Variants in NCAM2 observed in about 807,000 individuals in gnomAD.
NCAM2 encodes the protein N-CAM-2.
Under a neutral mutation model 98.1 loss-of-function variants are expected in NCAM2, and 30 were observed. The ratio of observed to expected loss-of-function variants is 0.31; its 90% CI spans 0.23 to 0.41. NCAM2 has a LOEUF of 0.41. NCAM2 is among the 10% of genes least tolerant of loss of function. NCAM2 has a pLI of 1.00. For missense variants in NCAM2, 867 were observed against 1,005.8 expected, an observed-to-expected ratio of 0.86 and a Z score of 1.87; for synonymous variants, 368 against 342.4, an observed-to-expected ratio of 1.07 and a Z score of -0.83.
At chr21:21,205,728 G>A (rs2069413770) in intron 1 of NCAM2, among the ~76,000 whole-genome samples, 1 of 152,060 alleles carries the variant, frequency 6.6e-6, no homozygotes, top group African/African-American at 2.4e-5. Context: ...ATAGACTGAG[G>A]TAGCCTATAA....
intron 9 of NCAM2, among the ~76,000 whole-genome samples, chr21:21,398,917 C>G (rs908714907): frequency 4.6e-5 from 7 of 152,130 alleles, no homozygotes; most frequent in Admixed American, 6.5e-5. Context: ...GGAGGAAAAG[C>G]AGGTTTATTC....
At chr21:21,249,769 A>C (rs1033515533) in intron 1 of NCAM2, among the ~76,000 whole-genome samples, 2 of 152,310 alleles carry the variant, frequency 1.3e-5, no homozygotes, top group South Asian at 2.1e-4. Context: ...ACAGATGAAA[A>C]AACAGTTGTT....
intron 15 of NCAM2, among the ~76,000 whole-genome samples, chr21:21,484,648 T>C (rs1407402377): frequency 6.6e-6 from 1 of 152,150 alleles, no homozygotes; most frequent in Non-Finnish European, 1.5e-5. Flanking sequence ...AAAATTATAA[T>C]AAAATATTTC....
At chr21:21,189,847 T>C (rs2068762200) in intron 1 of NCAM2, among the ~76,000 whole-genome samples, 1 of 152,218 alleles carries the variant, frequency 6.6e-6, no homozygotes, top group South Asian at 2.1e-4. Context: ...TCTAGTCTTT[T>C]CTGGTCAGCC....
chr21:21,023,292 G>A (rs2146193513), intron 1 of NCAM2, among the ~76,000 whole-genome samples: 1 of 152,248 alleles, frequency 6.6e-6, no homozygotes, highest in Non-Finnish European at 1.5e-5. Context: ...GGGAGGCCGA[G>A]GTGGACAGAT....
intron 1 of NCAM2, among the ~76,000 whole-genome samples, chr21:21,002,758 A>C (rs1234371658): frequency 6.6e-6 from 1 of 152,126 alleles, no homozygotes; most frequent in African/African-American, 2.4e-5. Context: ...TTGAGTGTTG[A>C]TATGTGCAAA....
At chr21:21,292,077 A>G (rs2073317176) in intron 4 of NCAM2, 27 bp from the exon 5 acceptor site, 1 of 1,596,650 alleles carries the variant, frequency 6.3e-7, no homozygotes, top group East Asian at 2.3e-5. Flanking sequence ...TACTGATACC[A>G]TTTTCTCCCC....
intron 16 of NCAM2, among the ~76,000 whole-genome samples, chr21:21,525,424 T>C (rs982991102): frequency 6.6e-6 from 1 of 151,964 alleles, no homozygotes; most frequent in Admixed American, 6.5e-5. Context: ...CAAAGTGAAA[T>C]AGAGAAATTC....
intron 8 of NCAM2, among the ~76,000 whole-genome samples, chr21:21,367,497 G>A (rs1397344489): frequency 6.6e-6 from 1 of 151,942 alleles, no homozygotes; most frequent in East Asian, 1.9e-4. Flanking sequence ...CGTGGTTCAT[G>A]GGATCAAGAG....
intron 12 of NCAM2, among the ~76,000 whole-genome samples, chr21:21,433,213 C>T (rs2077382194): frequency 2.6e-5 from 4 of 152,050 alleles, no homozygotes; most frequent in African/African-American, 9.7e-5. Context: ...TATCATGTAC[C>T]ATATACTTCA....
chr21:21,106,247 GCAGCGAGCTGTGTTTGCACCTCTGCACTC>G (rs2066342816), intron 1 of NCAM2, among the ~76,000 whole-genome samples: 1 of 144,238 alleles, frequency 6.9e-6, no homozygotes, highest in African/African-American at 2.7e-5. Flanking sequence ...GTTCCAGGCT[GCAGCGAGCTGTGTTTGCACCTCTGCACTC>G]CAGCCTGTGC....
chr21:21,330,395 A>G (rs2074639846), intron 6 of NCAM2, among the ~76,000 whole-genome samples: 1 of 151,948 alleles, frequency 6.6e-6, no homozygotes, highest in South Asian at 2.1e-4. Context: ...AATACTATTC[A>G]TTTAGAAGTA....
intron 1 of NCAM2, among the ~76,000 whole-genome samples, chr21:21,090,318 T>C (rs1404552425): frequency 1.3e-5 from 2 of 152,206 alleles, no homozygotes; most frequent in Non-Finnish European, 2.9e-5. Flanking sequence ...TTCAGCTTTT[T>C]TTTAAATACT....
chr21:21,210,127 G>T (rs1356303184), intron 1 of NCAM2, among the ~76,000 whole-genome samples: 1 of 152,164 alleles, frequency 6.6e-6, no homozygotes, highest in Admixed American at 6.5e-5. Flanking sequence ...AAACTTGAAT[G>T]TGCAATACAT....
chr21:21,430,403 T>TATATATATATATATA (rs71195328), intron 11 of NCAM2, among the ~76,000 whole-genome samples: 40 of 146,596 alleles, frequency 2.7e-4, no homozygotes, highest in South Asian at 1.1e-3. Context: ...TTTATATATA[T>TATATATATATATATA]TAGCCCATTC....
intron 1 of NCAM2, among the ~76,000 whole-genome samples, chr21:21,272,289 T>G (rs1475019513): frequency 6.6e-6 from 1 of 152,180 alleles, no homozygotes; most frequent in African/African-American, 2.4e-5. Context: ...AGATCTGTAC[T>G]ACAAAGAAGC....
chr21:21,028,688 C>T (rs2064604366), intron 1 of NCAM2, among the ~76,000 whole-genome samples: 1 of 152,142 alleles, frequency 6.6e-6, no homozygotes. Flanking sequence ...AATTGGCACA[C>T]AAAATGCCCT....
At chr21:21,356,663 T>C (rs1049097730) in intron 8 of NCAM2, among the ~76,000 whole-genome samples, 1 of 152,178 alleles carries the variant, frequency 6.6e-6, no homozygotes, top group African/African-American at 2.4e-5. Context: ...TATATTGGCA[T>C]GTGCTAATCT....
intron 5 of NCAM2, among the ~76,000 whole-genome samples, chr21:21,319,704 T>A (rs925778799): frequency 5.9e-3 from 17 of 2,872 alleles, no homozygotes; most frequent in Non-Finnish European, 0.055. Flanking sequence ...TAGTTGCCTC[T>A]TATTTTTTTT....
Sources: allele counts gnomAD v4.1 joint callset (sites outside exome capture counted in the v4.1 genomes callset), GRCh38; gene constraint gnomAD v4.1.1; transcripts MANE v1.5; gene names NCBI Gene and HGNC (gene_info 2026-07-23, HGNC 2026-07-21).